Variants in SGCZ observed in about 807,000 individuals in gnomAD.
SGCZ encodes the protein zeta-sarcoglycan.
Under a neutral mutation model 41.3 loss-of-function variants are expected in SGCZ, and 40 were observed. The ratio of observed to expected loss-of-function variants is 0.97; its 90% CI spans 0.75 to 1.26. The LOEUF (loss-of-function observed/expected upper bound fraction) is 1.26. Among genes scored for constraint, SGCZ ranks in the 50% most tolerant of loss-of-function variants. The pLI, the probability that SGCZ is intolerant of heterozygous loss-of-function variation, is 0.00. For missense variants in SGCZ, 552 were observed against 369.8 expected, an observed-to-expected ratio of 1.49 and a Z score of -4.04; for synonymous variants, 206 against 137.5, an observed-to-expected ratio of 1.50 and a Z score of -3.49.
intron 1 of SGCZ, among the ~76,000 whole-genome samples, chr8:14,666,150 C>G (rs1352158840): frequency 1.3e-5 from 2 of 152,160 alleles, no homozygotes; most frequent in Non-Finnish European, 2.9e-5. Flanking sequence ...CAAGCATCCA[C>G]CTGCCTTTCA....
chr8:14,156,125 C>T (rs1373339412), intron 5 of SGCZ, among the ~76,000 whole-genome samples: 1 of 152,104 alleles, frequency 6.6e-6, no homozygotes, highest in Non-Finnish European at 1.5e-5. Flanking sequence ...CTGTCCACTA[C>T]TGTACACTTT....
intron 3 of SGCZ, among the ~76,000 whole-genome samples, chr8:14,259,241 CA>C (rs1388850181): frequency 6.6e-6 from 1 of 152,126 alleles, no homozygotes; most frequent in East Asian, 1.9e-4. Context: ...ATTGGACCCA[CA>C]AAAATGTATA....
At position 14,111,830 on chromosome 8, in the gene SGCZ, T is replaced by A. The variant is rs148803850; in HGVS notation, c.548-3595A>T. Among the ~76,000 whole-genome samples, 274 of 152,358 alleles carry A rather than the reference T, an allele frequency of 1.8e-3. 1 individual carries two copies. The highest frequency in any genetic ancestry group is 6.3e-3 in the African/African-American group (264 of 41,582). ...AAAAGGCAGATATGGATTATGGTCCTACTTTGTATTTAAAGACCGTTTAAG... is the reference window on the plus strand; with the variant it reads ...AAAAGGCAGATATGGATTATGGTCCAACTTTGTATTTAAAGACCGTTTAAG... On this transcript the variant is annotated intron_variant, in intron 5 of 7. Coordinates refer to ENST00000382080, the MANE Select transcript of SGCZ (RefSeq NM_139167.4).
rs574264812 is a variant in SGCZ, at chr8:14,544,381, G to A, written c.234+10351C>T. On this transcript the variant is annotated intron_variant, in intron 2 of 7. Transcript: ENST00000382080. ...CCTTGAAAAATAACAGAATAATAGC[G>A]ATTTTTATGGAACAAGGGAAGACAA... Among the ~76,000 whole-genome samples, 125 of 152,142 alleles carry A rather than the reference G, an allele frequency of 8.2e-4. 1 individual carries two copies. The highest frequency in any genetic ancestry group is 1.3e-3 in the Non-Finnish European group (89 of 68,000).
chr8:14,162,292 G>A (rs1006913172), intron 5 of SGCZ, among the ~76,000 whole-genome samples: 2 of 152,082 alleles, frequency 1.3e-5, no homozygotes, highest in African/African-American at 2.4e-5. Context: ...GAGAATATCG[G>A]AATATGGATT....
rs558556089 is a variant in SGCZ at position 14,466,073 on chromosome 8, G to C, written c.234+88659C>G. On this transcript the variant is annotated intron_variant, in intron 2 of 7. Coordinates refer to ENST00000382080, the MANE Select transcript of SGCZ (RefSeq NM_139167.4). ...ACTGATATCTTTATCTCTTCATACGGCTTTAAGTTACTGTCCAGTTTTCTT... is the reference window on the plus strand; with the variant it reads ...ACTGATATCTTTATCTCTTCATACGCCTTTAAGTTACTGTCCAGTTTTCTT... 3.4e-4 allele frequency among the ~76,000 whole-genome samples: 51 copies of C among 151,920 alleles called. 1 individual carries two copies. Among genetic ancestry groups the C allele is most frequent in the Non-Finnish European group, 1.9e-4 (13 of 67,808 alleles).
intron 1 of SGCZ, among the ~76,000 whole-genome samples, chr8:14,735,761 T>C (rs747689289): frequency 4.6e-5 from 7 of 152,114 alleles, no homozygotes; most frequent in African/African-American, 9.7e-5. Flanking sequence ...ACATACCTAC[T>C]AATATTAATA....
chr8:14,152,608 C>T (rs1563155961), intron 5 of SGCZ, among the ~76,000 whole-genome samples: 1 of 152,104 alleles, frequency 6.6e-6, no homozygotes, highest in South Asian at 2.1e-4. Flanking sequence ...GTGTTATAAT[C>T]ATTCTGCAAA....
intron 1 of SGCZ, among the ~76,000 whole-genome samples, chr8:14,750,597 G>A (rs1799469245): frequency 6.6e-6 from 1 of 152,026 alleles, no homozygotes; most frequent in Non-Finnish European, 1.5e-5. Flanking sequence ...AGAATGATAT[G>A]GTGTTTTTTT....
At chr8:14,764,114 A>G (rs1400273947) in intron 1 of SGCZ, among the ~76,000 whole-genome samples, 1 of 152,216 alleles carries the variant, frequency 6.6e-6, no homozygotes, top group Admixed American at 6.5e-5. Flanking sequence ...ACTAATGGGA[A>G]CATATCAAAA....
At chr8:14,810,827 C>T (rs1801716724) in intron 1 of SGCZ, among the ~76,000 whole-genome samples, 1 of 152,138 alleles carries the variant, frequency 6.6e-6, no homozygotes, top group South Asian at 2.1e-4. Flanking sequence ...TCTTATTAAA[C>T]ATTGACCAAC....
chr8:14,395,869 G>A (rs181516791), intron 2 of SGCZ, among the ~76,000 whole-genome samples: 1 of 145,244 alleles, frequency 6.9e-6, no homozygotes, highest in Non-Finnish European at 1.5e-5. Context: ...ACTACTTAAA[G>A]TTACTGCAAA....
intron 3 of SGCZ, among the ~76,000 whole-genome samples, chr8:14,312,789 G>T (rs939494649): frequency 1.3e-5 from 2 of 152,122 alleles, no homozygotes; most frequent in East Asian, 1.9e-4. Flanking sequence ...ATATGATATG[G>T]CTCCATGTTT....
intron 2 of SGCZ, among the ~76,000 whole-genome samples, chr8:14,328,171 C>G (rs1411313006): frequency 1.3e-5 from 2 of 152,118 alleles, no homozygotes; most frequent in Non-Finnish European, 2.9e-5. Context: ...CAACCTGACT[C>G]TCACACTCAG....
intron 1 of SGCZ, among the ~76,000 whole-genome samples, chr8:15,053,708 C>A (rs57164491): frequency 0.021 from 3,125 of 152,198 alleles, 92 homozygotes; most frequent in African/African-American, 0.071. Flanking sequence ...GAGATAAATG[C>A]TCTTAACAGA....
chr8:14,261,576 A>G (rs1015558998), intron 3 of SGCZ, among the ~76,000 whole-genome samples: 2 of 152,154 alleles, frequency 1.3e-5, no homozygotes, highest in Admixed American at 1.3e-4. Flanking sequence ...GTTCATCTGG[A>G]CCAATGCCAA....
intron 1 of SGCZ, among the ~76,000 whole-genome samples, chr8:14,812,021 A>G (rs1801752771): frequency 6.6e-6 from 1 of 152,010 alleles, no homozygotes; most frequent in African/African-American, 2.4e-5. Context: ...GAGTATGGAA[A>G]GGGATTATAG....
chr8:14,940,314 C>A (rs1800228556), intron 1 of SGCZ, among the ~76,000 whole-genome samples: 1 of 152,080 alleles, frequency 6.6e-6, no homozygotes, highest in African/African-American at 2.4e-5. Context: ...TGCCATCCAT[C>A]TAATGCATTA....
At chr8:14,797,341 G>T (rs932198505) in intron 1 of SGCZ, among the ~76,000 whole-genome samples, 1 of 152,162 alleles carries the variant, frequency 6.6e-6, no homozygotes, top group Admixed American at 6.5e-5. Context: ...AGCTGAGATG[G>T]TCTCAGATGG....
Sources: gnomAD v4.1 joint callset for allele counts (sites outside exome capture counted in the v4.1 genomes callset) on GRCh38, gnomAD v4.1.1 for gene constraint, MANE v1.5 for transcripts, NCBI Gene and HGNC (gene_info 2026-07-23, HGNC 2026-07-21) for gene names.